Variants in MAP3K7 observed in about 807,000 individuals in gnomAD.
The protein encoded by MAP3K7 is TGF-beta activated kinase 1.
A neutral mutation model predicts 84.8 loss-of-function variants in MAP3K7; 21 were observed. That is an observed-to-expected ratio of 0.25 (90% CI 0.18 to 0.36). MAP3K7 has a LOEUF of 0.36. Among genes scored for constraint, MAP3K7 ranks in the 10% least tolerant of loss-of-function variants. The probability of loss-of-function intolerance (pLI) is 1.00; values close to 1 mark genes in which losing one functional copy is unlikely to be tolerated. For missense variants in MAP3K7, 503 were observed against 747.7 expected, an observed-to-expected ratio of 0.67 and a Z score of 3.82; for synonymous variants, 241 against 247.7, an observed-to-expected ratio of 0.97 and a Z score of 0.25.
At chr6:90,565,601 C>T (rs997923927) in intron 3 of MAP3K7, among the ~76,000 whole-genome samples, 2 of 152,110 alleles carry the variant, frequency 1.3e-5, no homozygotes, top group African/African-American at 4.8e-5. Context: ...AGTCCAGGAC[C>T]AGATGGATTC....
At chr6:90,525,664 C>T (rs899329931) in intron 13 of MAP3K7, among the ~76,000 whole-genome samples, 2 of 152,044 alleles carry the variant, frequency 1.3e-5, no homozygotes, top group Admixed American at 6.6e-5. Flanking sequence ...AACTCCTGGG[C>T]TCAAGCGATC....
chr6:90,542,510 A>G, intron 12 of MAP3K7: 1 of 984,874 alleles, frequency 1.0e-6, no homozygotes, highest in Non-Finnish European at 1.2e-6. Flanking sequence ...CTGGCTGAAG[A>G]GCTCTCCTTA....
chr6:90,556,459 T>C (rs952860039), intron 6 of MAP3K7, 41 bp downstream of exon 6: 1 of 1,592,408 alleles, frequency 6.3e-7, no homozygotes, highest in South Asian at 1.1e-5. Flanking sequence ...TCACAAGGAG[T>C]GAGGGAGATT....
At chr6:90,518,620 G>C in intron 15 of MAP3K7, 58 bp from the exon 16 acceptor site, 1 of 865,304 alleles carries the variant, frequency 1.2e-6, no homozygotes, top group Non-Finnish European at 2.0e-6. Context: ...ATCTAGCTAA[G>C]ATGAGAGTCA....
chr6:90,580,527 C>A (rs1414783036), intron 1 of MAP3K7, among the ~76,000 whole-genome samples: 1 of 152,110 alleles, frequency 6.6e-6, no homozygotes, highest in African/African-American at 2.4e-5. Flanking sequence ...CACTATGTTG[C>A]CCAGACTCGT....
In MAP3K7 at chr6:90,521,958, G is replaced by C. The variant is rs190767509; in HGVS notation, c.1462+1720C>G. Among the ~76,000 whole-genome samples, 57 of 151,992 alleles carry C rather than the reference G, an allele frequency of 3.8e-4. No individual in the cohort carries two copies. In the East Asian group the frequency reaches 8.1e-3, roughly 22 times the overall value. On this transcript the variant is annotated intron_variant, in intron 14 of 16. Coordinates refer to ENST00000369329, the MANE Select transcript of MAP3K7 (RefSeq NM_145331.3). ...CATTTACACTCTTAATTTTTTCCTT[G>C]GTCAGTGGGCCTTCAAAGAAAAAGA...
intron 13 of MAP3K7, among the ~76,000 whole-genome samples, chr6:90,533,165 C>G (rs900334641): frequency 2.6e-5 from 4 of 152,166 alleles, no homozygotes; most frequent in African/African-American, 9.7e-5. Flanking sequence ...CTATCTGGCA[C>G]AAAGTCAGTG....
chr6:90,523,841 G>A (rs1022173652), intron 13 of MAP3K7, 58 bp from the exon 14 acceptor site: 142 of 1,033,106 alleles, frequency 1.4e-4, no homozygotes, highest in Middle Eastern at 1.2e-3. Flanking sequence ...AAAAAATGAC[G>A]AGAACGTTTC....
At chr6:90,518,747 A>C (rs1291944389) in intron 15 of MAP3K7, among the ~76,000 whole-genome samples, 185 bp from the exon 16 acceptor site, 3 of 151,838 alleles carry the variant, frequency 2.0e-5, no homozygotes, top group African/African-American at 4.8e-5. Flanking sequence ...TCAGCATTTA[A>C]ATCTATTCTT....
chr6:90,522,954 C>T (rs952460262), intron 14 of MAP3K7, among the ~76,000 whole-genome samples: 3 of 152,078 alleles, frequency 2.0e-5, no homozygotes, highest in Non-Finnish European at 4.4e-5. Context: ...TAAAAAATTT[C>T]ATAAGTACAC....
rs1775231682 is a variant in MAP3K7, at chr6:90,523,770, G to A, written c.1370C>T (p.Ser457Leu). 1 of 1,603,244 alleles carries A rather than the reference G, an allele frequency of 6.2e-7. No individual in the cohort carries two copies. Reference protein sequence around the residue: ...GTEPGQVSSRSSSPSVRMITT... With the variant: ...GTEPGQVSSRLSSPSVRMITT... ...AATCATTCTGACACTGGGACTGGAT[G>A]ACCTACTGCTCACCTACAGGAAGAA... The change falls in exon 14 of 17, where the codon TCA (serine) becomes TTA (leucine). Residue 457 changes from serine to leucine, a missense_variant. Physicochemically the swap from Ser to Leu is moderately radical, Grantham distance 145. This residue lies in a region of MAP3K7 where 286 missense variants were observed against 313.6 expected (regional missense o/e 0.91). Transcript: ENST00000369329.
intron 11 of MAP3K7, 108 bp downstream of exon 11, chr6:90,547,150 T>G (rs569227045): frequency 8.0e-7 from 1 of 1,256,214 alleles, no homozygotes; most frequent in East Asian, 2.5e-5. Context: ...TACTTCCTAT[T>G]TAAAAAAAAA....
At chr6:90,581,026 T>C (rs930360462) in intron 1 of MAP3K7, among the ~76,000 whole-genome samples, 17 of 152,336 alleles carry the variant, frequency 1.1e-4, no homozygotes, top group African/African-American at 3.8e-4. Context: ...AGATGGTATA[T>C]AGAACATTTC....
chr6:90,528,252 A>G (rs1040423954), intron 13 of MAP3K7, among the ~76,000 whole-genome samples: 3 of 152,228 alleles, frequency 2.0e-5, no homozygotes, highest in East Asian at 1.9e-4. Flanking sequence ...CTTAAAAAAG[A>G]ACATGGAGTT....
Position 90,564,112 on chromosome 6 carries a change from A to C in MAP3K7, c.298-2445T>G, listed in dbSNP as rs369812519. 2.0e-5 allele frequency among the ~76,000 whole-genome samples: 3 copies of C among 152,336 alleles called. No homozygotes were observed. The East Asian group carries it at 5.8e-4, about 29-fold the overall frequency. On this transcript the variant is annotated intron_variant, in intron 3 of 16. Transcript: ENST00000369329. Reference sequence around the variant, plus strand: ...ACAACCGGTACCAGCCATTGCAAAAACATGCCAAATTGTAAAGACCATTGA... The same window carrying C: ...ACAACCGGTACCAGCCATTGCAAAACCATGCCAAATTGTAAAGACCATTGA...
intron 12 of MAP3K7, among the ~76,000 whole-genome samples, chr6:90,541,243 A>C (rs1244378318): frequency 1.3e-5 from 2 of 152,068 alleles, no homozygotes; most frequent in East Asian, 1.9e-4. Flanking sequence ...AGTTTTAATA[A>C]AAAACATTTA....
At chr6:90,569,168 T>A (rs957150678) in intron 2 of MAP3K7, among the ~76,000 whole-genome samples, 8 of 152,208 alleles carry the variant, frequency 5.3e-5, no homozygotes, top group Admixed American at 5.2e-4. Context: ...TAACCTCAAG[T>A]CTCAGAGAGG....
At chr6:90,520,675 C>CTTACCA (rs1367502813) in intron 14 of MAP3K7, among the ~76,000 whole-genome samples, 2 of 143,716 alleles carry the variant, frequency 1.4e-5, no homozygotes, top group African/African-American at 2.5e-5. Flanking sequence ...ACTTAAGGCA[C>CTTACCA]TTACCCTTAC....
intron 1 of MAP3K7, among the ~76,000 whole-genome samples, chr6:90,576,419 TCACA>T (rs11468988): frequency 0.16 from 22,241 of 136,530 alleles, 2,155 homozygotes; most frequent in East Asian, 0.33. Context: ...CTAGACTCTG[TCACA>T]CACACACACA....
Sources: gnomAD v4.1 joint callset for allele counts (sites outside exome capture counted in the v4.1 genomes callset) on GRCh38, gnomAD v4.1.1 for gene constraint, gnomAD v4.1.1 regional missense constraint, MANE v1.5 for transcripts, NCBI Gene and HGNC (gene_info 2026-07-23, HGNC 2026-07-21) for gene names.